The following KIAA0825 variants were observed in gnomAD, a reference collection of about 807,000 sequenced individuals.
KIAA0825 encodes uncharacterized protein KIAA0825.
KIAA0825 carries 119 observed loss-of-function variants against 147.6 expected under a neutral mutation model. That is an observed-to-expected ratio of 0.81 (90% CI 0.69 to 0.94). KIAA0825 has a LOEUF of 0.94. Ranked by LOEUF, KIAA0825 falls within the 40% of genes least tolerant of loss-of-function variation. The probability of loss-of-function intolerance (pLI) is 0.00; values close to 1 mark genes in which losing one functional copy is unlikely to be tolerated. For synonymous variants in KIAA0825, 470 were observed against 518.1 expected (o/e 0.91, Z 1.26); for missense variants, 1,381 against 1,472.7 (o/e 0.94, Z 1.02).
At chr5:94,536,619 C>T (rs921306285) in intron 3 of KIAA0825, among the ~76,000 whole-genome samples, 1 of 152,110 alleles carries the variant, frequency 6.6e-6, no homozygotes, top group Non-Finnish European at 1.5e-5. Flanking sequence ...ATAAAATGAC[C>T]AATATTATGC....
intron 14 of KIAA0825, among the ~76,000 whole-genome samples, chr5:94,419,340 T>C (rs888915682): frequency 6.6e-6 from 1 of 152,220 alleles, no homozygotes; most frequent in African/African-American, 2.4e-5. Flanking sequence ...TTCCCTCTTC[T>C]TTCTGCTCCC....
intron 2 of KIAA0825, among the ~76,000 whole-genome samples, chr5:94,541,645 C>T (rs1457723613): frequency 6.6e-6 from 1 of 152,198 alleles, no homozygotes; most frequent in African/African-American, 2.4e-5. Flanking sequence ...AGGGCAAAGA[C>T]TTGCTTTTAA....
chr5:94,219,091 G>A (rs1358965205), intron 20 of KIAA0825, among the ~76,000 whole-genome samples: 7 of 152,180 alleles, frequency 4.6e-5, no homozygotes, highest in South Asian at 2.1e-4. Flanking sequence ...AGATGGGGGC[G>A]GGGAGAAGAG....
At chr5:94,279,064 T>A (rs1197159863) in intron 20 of KIAA0825, among the ~76,000 whole-genome samples, 1 of 152,096 alleles carries the variant, frequency 6.6e-6, no homozygotes, top group East Asian at 1.9e-4. Context: ...AAAAGGCAGG[T>A]GTTGTAAAGC....
intron 20 of KIAA0825, among the ~76,000 whole-genome samples, chr5:94,324,584 A>G (rs900985928): frequency 1.3e-5 from 2 of 152,044 alleles, no homozygotes; most frequent in African/African-American, 4.8e-5. Flanking sequence ...AGTCTTTGTT[A>G]CCACAGCAGA....
chr5:94,444,491 A>C (rs1757491848), intron 13 of KIAA0825, among the ~76,000 whole-genome samples: 1 of 151,818 alleles, frequency 6.6e-6, no homozygotes, highest in Non-Finnish European at 1.5e-5. Context: ...CATTCAGAAG[A>C]CTTCAGTAAC....
chr5:94,212,384 G>A (rs1583865326), intron 20 of KIAA0825, among the ~76,000 whole-genome samples: 2 of 152,112 alleles, frequency 1.3e-5, no homozygotes, highest in African/African-American at 4.8e-5. Context: ...CTGTATCAAG[G>A]TTTTACAACA....
At chr5:94,489,519 G>A (rs1223503072) in intron 5 of KIAA0825, among the ~76,000 whole-genome samples, 1 of 151,214 alleles carries the variant, frequency 6.6e-6, no homozygotes. Flanking sequence ...AACTAGATTT[G>A]GGTCTCAGAA....
rs1766649090 is a variant in KIAA0825 at position 94,152,856 on chromosome 5, T to TATATATATA, written c.*1150_*1151insTATATATAT. Reference sequence around the variant, plus strand: ...AAAAAAAAAAAAAAAAAAAAAAAAATTATATATATATATATATATATATAT... The same window carrying TATATATATA: ...AAAAAAAAAAAAAAAAAAAAAAAAATATATATATATATATATATATATATATATATATAT... On this transcript the variant is annotated 3_prime_UTR_variant, in exon 21 of 21. Coordinates refer to ENST00000682413, the MANE Select transcript of KIAA0825 (RefSeq NM_001145678.3). The TATATATATA allele has an allele frequency of 3.6e-4, 1 of 2,774 alleles. No individual in the cohort carries two copies. The highest frequency in any genetic ancestry group is 1.1e-3 in the African/African-American group (1 of 952). The allele number at this position is 2,774 out of a possible 1,614,324, so 0.2% of individuals were successfully genotyped here. A position where few individuals can be genotyped will look rare whatever the true frequency, so the allele number is the denominator to read the frequency against.
intron 5 of KIAA0825, among the ~76,000 whole-genome samples, chr5:94,513,375 C>T (rs1414684602): frequency 6.6e-6 from 1 of 152,030 alleles, no homozygotes; most frequent in Non-Finnish European, 1.5e-5. Flanking sequence ...TTTTAACTTT[C>T]ATCATTAGTG....
chr5:94,501,557 T>C (rs901740760), intron 5 of KIAA0825, among the ~76,000 whole-genome samples: 1 of 152,214 alleles, frequency 6.6e-6, no homozygotes, highest in African/African-American at 2.4e-5. Context: ...CTCACTCCCA[T>C]GCCTTTTGTC....
chr5:94,475,712 G>C (rs1312367730), intron 7 of KIAA0825, among the ~76,000 whole-genome samples: 1 of 152,158 alleles, frequency 6.6e-6, no homozygotes, highest in Non-Finnish European at 1.5e-5. Flanking sequence ...GGGAGGCTGA[G>C]ACAAGAGAAT....
intron 20 of KIAA0825, among the ~76,000 whole-genome samples, chr5:94,377,725 T>C (rs1320061297): frequency 1.3e-5 from 2 of 152,220 alleles, no homozygotes; most frequent in African/African-American, 4.8e-5. Context: ...TTTTTCACAA[T>C]AGCAAACTTT....
At chr5:94,488,333 T>G (rs1763310232) in intron 5 of KIAA0825, among the ~76,000 whole-genome samples, 1 of 150,202 alleles carries the variant, frequency 6.7e-6, no homozygotes, top group Non-Finnish European at 1.5e-5. Context: ...CACAGGCAAC[T>G]CTGTCTGGCC....
At chr5:94,597,151 G>C (rs1012361503) in intron 1 of KIAA0825, among the ~76,000 whole-genome samples, 2 of 152,000 alleles carry the variant, frequency 1.3e-5, no homozygotes, top group Non-Finnish European at 2.9e-5. Flanking sequence ...TCCTTTTCTT[G>C]TGCCAGTTTT....
In KIAA0825 at chr5:94,483,686, T is replaced by C. The variant is rs1484113716; in HGVS notation, c.1132+1083A>G. On this transcript the variant is annotated intron_variant, in intron 6 of 20. Transcript: ENST00000682413. Reference sequence around the variant, plus strand: ...AAAAAGTAATCTATGTTATTTATTTTATAATATAACAGTGTTACCTAAATT... The same window carrying C: ...AAAAAGTAATCTATGTTATTTATTTCATAATATAACAGTGTTACCTAAATT... 2.0e-5 allele frequency among the ~76,000 whole-genome samples: 3 copies of C among 151,784 alleles called. No individual in the cohort carries two copies. In the East Asian group the frequency reaches 5.8e-4, roughly 29 times the overall value.
intron 15 of KIAA0825, among the ~76,000 whole-genome samples, chr5:94,407,717 T>C (rs901395903): frequency 1.3e-5 from 2 of 152,164 alleles, no homozygotes; most frequent in Non-Finnish European, 2.9e-5. Flanking sequence ...GGGTTTCTTT[T>C]TGGCGTGATT....
chr5:94,445,611 G>A (rs1467502276), intron 13 of KIAA0825, among the ~76,000 whole-genome samples: 1 of 152,142 alleles, frequency 6.6e-6, no homozygotes, highest in South Asian at 2.1e-4. Context: ...AAAACTCAAC[G>A]AGTATGCAAA....
intron 1 of KIAA0825, among the ~76,000 whole-genome samples, chr5:94,589,656 T>A (rs990331852): frequency 2.0e-5 from 3 of 152,192 alleles, no homozygotes; most frequent in Non-Finnish European, 4.4e-5. Context: ...ATATTTTGAT[T>A]ATATCTCCTT....
Sources: allele counts gnomAD v4.1 joint callset (sites outside exome capture counted in the v4.1 genomes callset), GRCh38; gene constraint gnomAD v4.1.1; transcripts MANE v1.5; gene names NCBI Gene and HGNC (gene_info 2026-07-23, HGNC 2026-07-21).